FRS2: variants seen among roughly 807,000 people sequenced by gnomAD.
The protein encoded by FRS2 is FGFR signalling adaptor.
In FRS2, 8 loss-of-function variants were observed where a neutral mutation model predicts 43.9. The ratio of observed to expected loss-of-function variants is 0.18; its 90% CI spans 0.11 to 0.33. The LOEUF (loss-of-function observed/expected upper bound fraction) is 0.33. Ranked by LOEUF, FRS2 falls within the 10% of genes least tolerant of loss-of-function variation. The pLI is 1.00. For missense variants in FRS2, 534 were observed against 627.6 expected (o/e 0.85, Z 1.59); for synonymous variants, 219 against 220.3 (o/e 0.99, Z 0.05).
intron 1 of FRS2, among the ~76,000 whole-genome samples, chr12:69,528,144 C>T (rs1876442869): frequency 6.6e-6 from 1 of 152,176 alleles, no homozygotes; most frequent in Non-Finnish European, 1.5e-5. Context: ...TGTCCCCTGG[C>T]TATCTCTCTT....
At chr12:69,499,538 C>T (rs918753919) in intron 1 of FRS2, among the ~76,000 whole-genome samples, 18 of 152,052 alleles carry the variant, frequency 1.2e-4, no homozygotes, top group African/African-American at 3.9e-4. Flanking sequence ...TGCCCTCCAC[C>T]CTCCAATTTT....
intron 3 of FRS2, among the ~76,000 whole-genome samples, chr12:69,559,600 A>G (rs1471866281): frequency 6.6e-6 from 1 of 152,188 alleles, no homozygotes; most frequent in Non-Finnish European, 1.5e-5. Flanking sequence ...ACTGTTGCAG[A>G]TGTCCTTGCT....
intron 3 of FRS2, among the ~76,000 whole-genome samples, chr12:69,559,050 C>T (rs560800030): frequency 6.6e-6 from 1 of 152,300 alleles, no homozygotes; most frequent in African/African-American, 2.4e-5. Flanking sequence ...GTGGCTCACA[C>T]CTGTAATCCC....
At chr12:69,550,631 A>G (rs945513409) in intron 3 of FRS2, among the ~76,000 whole-genome samples, 7 of 152,232 alleles carry the variant, frequency 4.6e-5, no homozygotes, top group Admixed American at 2.6e-4. Context: ...TTCATTTTAA[A>G]TTCTAATGTA....
At chr12:69,560,505 G>T (rs1387816525) in intron 3 of FRS2, among the ~76,000 whole-genome samples, 6 of 152,144 alleles carry the variant, frequency 3.9e-5, no homozygotes, top group Admixed American at 6.5e-5. Flanking sequence ...ATAAGTGATT[G>T]GGCTTTGGTG....
intron 3 of FRS2, among the ~76,000 whole-genome samples, chr12:69,542,221 G>A (rs1257524645): frequency 6.6e-6 from 1 of 152,122 alleles, no homozygotes; most frequent in Non-Finnish European, 1.5e-5. Context: ...AAATGTGCGT[G>A]CTGTCAGACC....
At chr12:69,507,788 G>C (rs182724939) in intron 1 of FRS2, among the ~76,000 whole-genome samples, 262 of 152,192 alleles carry the variant, frequency 1.7e-3, no homozygotes, top group African/African-American at 6.1e-3. Flanking sequence ...ACTTTGGGAG[G>C]CCCAGGCGGG....
chr12:69,488,465 G>A (rs1018079480), intron 1 of FRS2, among the ~76,000 whole-genome samples: 4 of 152,150 alleles, frequency 2.6e-5, no homozygotes, highest in African/African-American at 7.2e-5. Context: ...ACGTAATGCT[G>A]TTGCACACTT....
chr12:69,564,220 T>C (rs757144392), intron 4 of FRS2, among the ~76,000 whole-genome samples: 15 of 151,904 alleles, frequency 9.9e-5, no homozygotes, highest in Non-Finnish European at 1.5e-4. Context: ...ATGCTTACTT[T>C]TCTTAGTTTG....
chr12:69,545,154 A>G (rs188099129), intron 3 of FRS2, among the ~76,000 whole-genome samples: 13 of 152,290 alleles, frequency 8.5e-5, no homozygotes, highest in Admixed American at 2.6e-4. Flanking sequence ...TAAATAAATG[A>G]TAAACATCTG....
chr12:69,480,533 A>G (rs1472848018), intron 1 of FRS2, among the ~76,000 whole-genome samples: 1 of 152,148 alleles, frequency 6.6e-6, no homozygotes, highest in Non-Finnish European at 1.5e-5. Flanking sequence ...AGCGGCGATC[A>G]TAGCACACTA....
At chr12:69,509,467 A>G (rs1418952966) in intron 1 of FRS2, among the ~76,000 whole-genome samples, 1 of 152,220 alleles carries the variant, frequency 6.6e-6, no homozygotes, top group Non-Finnish European at 1.5e-5. Flanking sequence ...ATTTACGGCT[A>G]CAACCATTTT....
chr12:69,565,815 C>A (rs1880245978), intron 4 of FRS2, among the ~76,000 whole-genome samples: 1 of 150,088 alleles, frequency 6.7e-6, no homozygotes. Flanking sequence ...GGCTGTTTTA[C>A]AGTTAATTTT....
chr12:69,489,322 C>CT (rs1247203386), intron 1 of FRS2, among the ~76,000 whole-genome samples: 4 of 151,870 alleles, frequency 2.6e-5, no homozygotes, highest in South Asian at 2.1e-4. Context: ...CTCCTTGGTT[C>CT]TTTTTTTTGC....
intron 3 of FRS2, among the ~76,000 whole-genome samples, chr12:69,556,290 C>G (rs1454693116): frequency 6.6e-6 from 1 of 151,976 alleles, no homozygotes; most frequent in East Asian, 1.9e-4. Flanking sequence ...TTATACATTT[C>G]TATATTCAGT....
chr12:69,516,770 C>T (rs1026360023), intron 1 of FRS2, among the ~76,000 whole-genome samples: 1 of 151,608 alleles, frequency 6.6e-6, no homozygotes, highest in African/African-American at 2.4e-5. Flanking sequence ...TGTTTTAATC[C>T]AGTACTAGCT....
intron 3 of FRS2, among the ~76,000 whole-genome samples, chr12:69,559,152 A>G (rs1364424037): frequency 6.6e-6 from 1 of 152,188 alleles, no homozygotes; most frequent in Non-Finnish European, 1.5e-5. Flanking sequence ...AAGAAATGCC[A>G]CTTTATTAAT....
chr12:69,499,475 T>A (rs368554693), intron 1 of FRS2, among the ~76,000 whole-genome samples: 4 of 152,242 alleles, frequency 2.6e-5, no homozygotes, highest in African/African-American at 9.6e-5. Flanking sequence ...TGACCCCTGT[T>A]AATATTTTAG....
chr12:69,498,496 CT>C (rs1873112171), intron 1 of FRS2, among the ~76,000 whole-genome samples: 2 of 130,854 alleles, frequency 1.5e-5, no homozygotes, highest in African/African-American at 6.0e-5. Flanking sequence ...AATTTGTAAA[CT>C]TTCTTAAACC....
Sources: allele counts gnomAD v4.1 joint callset (sites outside exome capture counted in the v4.1 genomes callset), GRCh38; gene constraint gnomAD v4.1.1; transcripts MANE v1.5; gene names NCBI Gene and HGNC (gene_info 2026-07-23, HGNC 2026-07-21).